The following HERC4 variants were observed in gnomAD, a reference collection of about 807,000 sequenced individuals.
HERC4 encodes probable E3 ubiquitin-protein ligase HERC4.
Under a neutral mutation model 124.3 loss-of-function variants are expected in HERC4, and 28 were observed. The observed-to-expected ratio is 0.23, with a 90% confidence interval of 0.17 to 0.31. The LOEUF is 0.31. Among genes scored for constraint, HERC4 ranks in the 10% least tolerant of loss-of-function variants. The pLI is 1.00. For synonymous variants in HERC4, 407 were observed against 421.5 expected (o/e 0.97, Z 0.42); for missense variants, 713 against 1,229.3 (o/e 0.58, Z 6.28).
At chr10:67,961,903 T>C (rs902897095) in intron 16 of HERC4, among the ~76,000 whole-genome samples, 1 of 152,170 alleles carries the variant, frequency 6.6e-6, no homozygotes, top group South Asian at 2.1e-4. Flanking sequence ...ACCACATAAA[T>C]GCTCCAACTG....
chr10:68,026,384 C>T (rs1485312298), intron 7 of HERC4, among the ~76,000 whole-genome samples: 1 of 152,000 alleles, frequency 6.6e-6, no homozygotes, highest in Non-Finnish European at 1.5e-5. Flanking sequence ...GCATGAGCCA[C>T]CATGCATGGC....
In HERC4 at chr10:67,955,982, T is replaced by G. The variant is rs369759889; in HGVS notation, c.2026-852A>C. 2.0e-5 allele frequency: 3 copies of G among 152,338 alleles called. No individual in the cohort carries two copies. The East Asian group carries it at 5.8e-4, about 29-fold the overall frequency. The allele number at this position is 152,338 out of a possible 1,614,324, so 9.4% of individuals were successfully genotyped here. A position where few individuals can be genotyped will look rare whatever the true frequency, so the allele number is the denominator to read the frequency against. On this transcript the variant is annotated intron_variant, in intron 17 of 24. Transcript: ENST00000373700. Reference sequence around the variant, plus strand: ...GTAAAATCACCAAGTTATTAACTTATCGTTTTAACAAAGACCTCCAAAAAA... The same window carrying G: ...GTAAAATCACCAAGTTATTAACTTAGCGTTTTAACAAAGACCTCCAAAAAA...
intron 23 of HERC4, among the ~76,000 whole-genome samples, chr10:67,931,890 A>T (rs1285247003): frequency 6.6e-6 from 1 of 152,196 alleles, no homozygotes; most frequent in Non-Finnish European, 1.5e-5. Flanking sequence ...AGCCTCCCAC[A>T]GGTAGGACCA....
At chr10:68,022,022 T>TA (rs2133230271) in intron 8 of HERC4, among the ~76,000 whole-genome samples, 1 of 152,172 alleles carries the variant, frequency 6.6e-6, no homozygotes, top group South Asian at 2.1e-4. Context: ...TGGAAGGAAA[T>TA]AAAATTTTAT....
At chr10:67,932,135 T>C (rs891709912) in intron 23 of HERC4, among the ~76,000 whole-genome samples, 2 of 151,952 alleles carry the variant, frequency 1.3e-5, no homozygotes, top group African/African-American at 4.8e-5. Context: ...TTTTTGTATT[T>C]TTAGTAGAGA....
At chr10:67,927,418 ATATATATATATAT>A (rs2031199604) in intron 23 of HERC4, among the ~76,000 whole-genome samples, 7 of 8,730 alleles carry the variant, frequency 8.0e-4, no homozygotes, top group Admixed American at 5.6e-3. Context: ...ATATATATAT[ATATATATATATAT>A]TTTTTTTTTT....
intron 9 of HERC4, among the ~76,000 whole-genome samples, chr10:68,000,799 C>T (rs1348708508): frequency 6.6e-6 from 1 of 152,068 alleles, no homozygotes; most frequent in Non-Finnish European, 1.5e-5. Flanking sequence ...CAAAGATTGA[C>T]AGCAAACCAC....
rs201363246 is a variant in HERC4, at chr10:68,038,269, TAG to T, written c.387-102_387-101del. On this transcript the variant is annotated intron_variant, in intron 4 of 24. Coordinates refer to ENST00000373700, the MANE Select transcript of HERC4 (RefSeq NM_015601.4). ...TTATTGATGGCCTACTATATGCACA[TAG>T]GTCATATTATTTTTTTTCATACAAG... 3,141 of 480,500 alleles carry T rather than the reference TAG, an allele frequency of 6.5e-3. 91 individuals carry two copies. Among genetic ancestry groups the T allele is most frequent in the African/African-American group, 0.057 (2,824 of 49,528 alleles). The allele number at this position is 480,500 out of a possible 1,614,324, so 29.8% of individuals were successfully genotyped here.
At chr10:67,946,078 C>T (rs2033302758) in intron 19 of HERC4, among the ~76,000 whole-genome samples, 1 of 151,916 alleles carries the variant, frequency 6.6e-6, no homozygotes, top group Non-Finnish European at 1.5e-5. Flanking sequence ...CATGGTGAAA[C>T]TCCATCTCTA....
Position 67,999,126 on chromosome 10 carries a change from G to A in HERC4, c.1070-6444C>T, listed in dbSNP as rs144937400. ...CTTTTGATATTCTTGTGTATACCTGGTATGTTAGATCTCAAGATTATTAAG... is the reference window on the plus strand; with the variant it reads ...CTTTTGATATTCTTGTGTATACCTGATATGTTAGATCTCAAGATTATTAAG... On this transcript the variant is annotated intron_variant, in intron 9 of 24. Coordinates refer to ENST00000373700, the MANE Select transcript of HERC4 (RefSeq NM_015601.4). 2.3e-4 allele frequency among the ~76,000 whole-genome samples: 35 copies of A among 152,156 alleles called. 2 individuals carry two copies. The East Asian group carries it at 6.6e-3, about 29-fold the overall frequency.
intron 9 of HERC4, chr10:68,010,520 C>G: frequency 1.1e-6 from 1 of 951,372 alleles, no homozygotes; most frequent in Non-Finnish European, 1.7e-6. Flanking sequence ...GACTGATCTG[C>G]TGCAGTGTGG....
chr10:68,019,628 A>G (rs1383513460), intron 8 of HERC4, among the ~76,000 whole-genome samples: 4 of 152,002 alleles, frequency 2.6e-5, no homozygotes, highest in Admixed American at 2.6e-4. Flanking sequence ...GCAACTCTGG[A>G]GTCTATGCAC....
In HERC4 at chr10:68,059,862, T is replaced by C. The variant is rs1170869141; in HGVS notation, c.226+13021A>G. Among the ~76,000 whole-genome samples the C allele has an allele frequency of 4.8e-4, 36 of 75,508 alleles. 3 individuals carry two copies. The highest frequency in any genetic ancestry group is 1.3e-3 in the African/African-American group (20 of 15,246). 49.5% of individuals were successfully genotyped at this position (75,508 alleles called of 152,430 possible). A position where few individuals can be genotyped will look rare whatever the true frequency, so the allele number is the denominator to read the frequency against. ...TTATAATATATTATATATCATAATATTATATATTATAATAATATTATATAT... is the reference window on the plus strand; with the variant it reads ...TTATAATATATTATATATCATAATACTATATATTATAATAATATTATATAT... On this transcript the variant is annotated intron_variant, in intron 3 of 24. Transcript: ENST00000373700.
At chr10:68,050,261 G>A (rs1447594358) in intron 3 of HERC4, among the ~76,000 whole-genome samples, 1 of 152,150 alleles carries the variant, frequency 6.6e-6, no homozygotes, top group Non-Finnish European at 1.5e-5. Context: ...CAATAGCGTG[G>A]TCAAATGTAA....
chr10:68,018,352 G>A (rs959633871), intron 8 of HERC4, among the ~76,000 whole-genome samples: 1 of 151,618 alleles, frequency 6.6e-6, no homozygotes, highest in Non-Finnish European at 1.5e-5. Context: ...AAAAAAACTA[G>A]GAATTAAAGG....
intron 19 of HERC4, among the ~76,000 whole-genome samples, chr10:67,944,834 A>G (rs1363782523): frequency 6.6e-6 from 1 of 152,238 alleles, no homozygotes; most frequent in Non-Finnish European, 1.5e-5. Flanking sequence ...GTGTCTGTCA[A>G]CAGTGGAACT....
intron 22 of HERC4, among the ~76,000 whole-genome samples, chr10:67,934,905 G>GT (rs748194719): frequency 0.014 from 1,815 of 133,256 alleles, 8 homozygotes; most frequent in Non-Finnish European, 0.015. Context: ...TTTCTGGGAA[G>GT]TTTTTTTTTT....
At chr10:67,923,224 G>C in intron 24 of HERC4, 85 bp from the exon 25 acceptor site, 1 of 1,000,532 alleles carries the variant, frequency 1.0e-6, no homozygotes, top group Non-Finnish European at 1.5e-6. Flanking sequence ...CGCTACAGCA[G>C]AGCTTCACTT....
intron 8 of HERC4, among the ~76,000 whole-genome samples, chr10:68,015,869 G>C (rs1233475964): frequency 2.0e-5 from 3 of 152,120 alleles, no homozygotes; most frequent in Non-Finnish European, 4.4e-5. Flanking sequence ...TTGGGAGACC[G>C]AGGCAGGTGG....
Sources: gnomAD v4.1 joint callset for allele counts (sites outside exome capture counted in the v4.1 genomes callset) on GRCh38, gnomAD v4.1.1 for gene constraint, MANE v1.5 for transcripts, NCBI Gene and HGNC (gene_info 2026-07-23, HGNC 2026-07-21) for gene names.